The following CAST variants were observed in gnomAD, a reference collection of about 807,000 sequenced individuals.
CAST encodes the protein calpastatin.
Under a neutral mutation model 119.6 loss-of-function variants are expected in CAST, and 76 were observed. The ratio of observed to expected loss-of-function variants is 0.64; its 90% confidence interval spans 0.53 to 0.77. The LOEUF (loss-of-function observed/expected upper bound fraction) is 0.77, where lower values mean the gene tolerates loss of function less well. Ranked by LOEUF, CAST falls within the 30% of genes least tolerant of loss-of-function variation. The probability of loss-of-function intolerance (pLI) is 0.00; values close to 1 mark genes in which losing one functional copy is unlikely to be tolerated. For missense variants in CAST, 953 were observed against 946.5 expected (o/e 1.01, Z -0.09); for synonymous variants, 319 against 331.6 (o/e 0.96, Z 0.41).
intron 27 of CAST, among the ~76,000 whole-genome samples, chr5:96,767,035 T>G (rs1770248146): frequency 6.6e-6 from 1 of 152,232 alleles, no homozygotes; most frequent in African/African-American, 2.4e-5. Context: ...AATTTATTAT[T>G]TAAGGCCCTT....
chr5:96,554,233 G>C lies in CAST; in HGVS notation c.60+24353G>C, dbSNP rs985379409. 2.6e-5 allele frequency among the ~76,000 whole-genome samples: 4 copies of C among 152,054 alleles called. No individual in the cohort carries two copies. In the East Asian group the frequency reaches 7.7e-4, roughly 29 times the overall value. ...TATAGACCAATGGAACAGAACAGAG[G>C]CCTCAGAAATAACACCACACATCTG... On this transcript the variant is annotated intron_variant, in intron 1 of 11. Coordinates refer to the CAST transcript ENST00000505143.
At chr5:96,200,802 G>A in the CAST span, among the ~76,000 whole-genome samples, 1 of 152,106 alleles carries the variant, frequency 6.6e-6, no homozygotes, top group Non-Finnish European at 1.5e-5. Context: ...AGAAGTAAAT[G>A]ACATATTAAA....
the CAST span, among the ~76,000 whole-genome samples, chr5:96,500,196 A>G: frequency 6.6e-6 from 1 of 152,242 alleles, no homozygotes. Flanking sequence ...CCAAAATGTT[A>G]CGCAAAGACA....
the CAST span, among the ~76,000 whole-genome samples, chr5:96,364,589 A>G: frequency 6.6e-6 from 1 of 152,186 alleles, no homozygotes. Flanking sequence ...CATTTCTTCT[A>G]GATTTTCTAG....
chr5:96,056,905 T>G, the CAST span, among the ~76,000 whole-genome samples: 1 of 152,234 alleles, frequency 6.6e-6, no homozygotes, highest in East Asian at 1.9e-4. Context: ...TGGTCTTGGC[T>G]TGGACACTAT....
At chr5:95,972,344 A>G in the CAST span, among the ~76,000 whole-genome samples, 8,375 of 151,960 alleles carry the variant, frequency 0.055, 686 homozygotes, top group East Asian at 0.43. Flanking sequence ...TGACTGTACC[A>G]TTTTGCATTT....
At chr5:96,673,301 AC>A (rs1750335900) in intron 1 of CAST, among the ~76,000 whole-genome samples, 1 of 152,230 alleles carries the variant, frequency 6.6e-6, no homozygotes, top group Non-Finnish European at 1.5e-5. Flanking sequence ...AAAATTTTAG[AC>A]AAATTTAACA....
intron 3 of CAST, among the ~76,000 whole-genome samples, chr5:96,701,791 C>T (rs1024112949): frequency 6.9e-5 from 10 of 143,924 alleles, no homozygotes; most frequent in African/African-American, 7.8e-5. Context: ...GGCCACATAG[C>T]GAGAATCCCA....
chr5:96,308,845 G>A, the CAST span: 1,404 of 152,636 alleles, frequency 9.2e-3, 25 homozygotes, highest in African/African-American at 0.033. Context: ...TCCCAGAGGG[G>A]CACTCACTAG....
the CAST span, among the ~76,000 whole-genome samples, chr5:96,264,105 C>T: frequency 1.7e-4 from 26 of 152,324 alleles, 1 homozygote; most frequent in East Asian, 4.4e-3. Flanking sequence ...TCACTAAATA[C>T]GTGTCAGATT....
chr5:96,693,408 A>G (rs773023792), intron 2 of CAST, among the ~76,000 whole-genome samples: 8 of 152,266 alleles, frequency 5.3e-5, no homozygotes, highest in Non-Finnish European at 1.2e-4. Flanking sequence ...TAATTGGCAT[A>G]TTGTAAGTAG....
At chr5:96,167,795 AG>A in the CAST span, among the ~76,000 whole-genome samples, 1 of 152,106 alleles carries the variant, frequency 6.6e-6, no homozygotes, top group African/African-American at 2.4e-5. Flanking sequence ...CCAGACCAAG[AG>A]GTATTTTAGT....
chr5:96,540,585 G>A (rs1745894182), intron 1 of CAST, among the ~76,000 whole-genome samples: 1 of 152,130 alleles, frequency 6.6e-6, no homozygotes, highest in Non-Finnish European at 1.5e-5. Flanking sequence ...GCAAACCAAT[G>A]TTGATACACT....
upstream of CAST, among the ~76,000 whole-genome samples, chr5:96,661,008 C>T (rs12659730): frequency 0.22 from 33,331 of 151,372 alleles, 4,067 homozygotes; most frequent in Non-Finnish European, 0.27. Context: ...ATTAAGAATG[C>T]TGCTAGCCTA....
the CAST span, chr5:96,318,651 T>A: frequency 2.0e-5 from 3 of 152,222 alleles, no homozygotes; most frequent in African/African-American, 4.8e-5. Context: ...GGAAAGACAC[T>A]GCATCTGAAG....
rs996477246 is a variant in CAST at position 96,655,765 on chromosome 5, G to T, written c.61-19774G>T. Among the ~76,000 whole-genome samples, 48 of 152,166 alleles carry T rather than the reference G, an allele frequency of 3.2e-4. 1 individual carries two copies. Among genetic ancestry groups the T allele is most frequent in the Non-Finnish European group, 5.9e-5 (4 of 68,006 alleles). ...CATCAACAGTTTAAAAAAGAAATTTGAATAAAGTAGAACAGAAGTTGAATA... is the reference window on the plus strand; with the variant it reads ...CATCAACAGTTTAAAAAAGAAATTTTAATAAAGTAGAACAGAAGTTGAATA... On this transcript the variant is annotated intron_variant, in intron 1 of 11. Coordinates refer to the CAST transcript ENST00000505143.
intron 24 of CAST, among the ~76,000 whole-genome samples, chr5:96,758,123 A>G (rs1305219882): frequency 1.3e-5 from 2 of 152,192 alleles, no homozygotes; most frequent in Non-Finnish European, 2.9e-5. Context: ...GCACCATGAA[A>G]TACTGTCCCA....
At chr5:96,553,170 CT>C (rs2150182632) in intron 1 of CAST, among the ~76,000 whole-genome samples, 1 of 152,312 alleles carries the variant, frequency 6.6e-6, no homozygotes, top group East Asian at 1.9e-4. Flanking sequence ...CAATAAAATA[CT>C]GGCAAACCGA....
chr5:96,518,876 G>C, the CAST span, among the ~76,000 whole-genome samples: 7 of 152,240 alleles, frequency 4.6e-5, no homozygotes, highest in Non-Finnish European at 8.8e-5. Flanking sequence ...AAATTAGCTA[G>C]TCATGGTGGT....
Sources: allele counts gnomAD v4.1 joint callset (sites outside exome capture counted in the v4.1 genomes callset), GRCh38; gene constraint gnomAD v4.1.1; transcripts MANE v1.5; gene names NCBI Gene and HGNC (gene_info 2026-07-23, HGNC 2026-07-21).